Variants in HUWE1 observed in about 807,000 individuals in gnomAD.
HUWE1 encodes HECT, UBA and WWE domain containing E3 ubiquitin protein ligase 1, also known as E3 ubiquitin-protein ligase HUWE1.
Under a neutral mutation model 299.4 loss-of-function variants are expected in HUWE1, and 18 were observed. The ratio of observed to expected loss-of-function variants is 0.06; its 90% CI spans 0.04 to 0.09. The LOEUF (loss-of-function observed/expected upper bound fraction) is 0.09, where lower values mean the gene tolerates loss of function less well. Among genes scored for constraint, HUWE1 ranks in the 10% least tolerant of loss-of-function variants. The pLI is 1.00. For missense variants in HUWE1, 1,832 were observed against 3,462.3 expected, an observed-to-expected ratio of 0.53 and a Z score of 11.82; for synonymous variants, 1,317 against 1,286.1, an observed-to-expected ratio of 1.02 and a Z score of -0.51.
intron 77 of HUWE1, among the ~76,000 whole-genome samples, chrX:53,538,071 C>T (rs782090695): frequency 8.1e-5 from 9 of 111,668 alleles, no homozygotes; most frequent in African/African-American, 1.3e-4. Flanking sequence ...CTACCCCCAA[C>T]GGATGGAACA....
intron 43 of HUWE1, among the ~76,000 whole-genome samples, chrX:53,577,309 C>T (rs905333658): frequency 1.0e-4 from 11 of 110,227 alleles, no homozygotes; most frequent in African/African-American, 3.6e-4. Flanking sequence ...TTTTGAAATC[C>T]AGTTGTTAAT....
intron 40 of HUWE1, 53 bp from the exon 41 acceptor site, chrX:53,584,398 G>A: frequency 3.0e-6 from 3 of 1,013,424 alleles, no homozygotes; most frequent in Admixed American, 2.3e-5. Flanking sequence ...GAATTATAAA[G>A]GTGGGGGAGG....
chrX:53,625,320 C>T (rs1227767766), intron 17 of HUWE1, 62 bp from the exon 18 acceptor site: 5 of 743,874 alleles, frequency 6.7e-6, no homozygotes, highest in Non-Finnish European at 1.1e-5. Flanking sequence ...AATGATCAAG[C>T]ACATAAAACA....
At chrX:53,629,400 G>A (rs1557020778) in intron 13 of HUWE1, 116 bp downstream of exon 13, 1 of 530,427 alleles carries the variant, frequency 1.9e-6, no homozygotes, top group East Asian at 3.5e-5. Flanking sequence ...CCATGCCCAA[G>A]ATGTCTCATT....
At chrX:53,582,757 GTCT>G (rs2063682524) in intron 42 of HUWE1, among the ~76,000 whole-genome samples, 2 of 110,807 alleles carry the variant, frequency 1.8e-5, no homozygotes, top group African/African-American at 6.6e-5. Context: ...CTCCACTGTT[GTCT>G]TCTTTTTTTT....
intron 40 of HUWE1, 73 bp from the exon 41 acceptor site, chrX:53,584,418 T>TGTCC: frequency 1.2e-6 from 1 of 867,383 alleles, no homozygotes; most frequent in Non-Finnish European, 1.7e-6. Flanking sequence ...GGGAGGGACA[T>TGTCC]CTCCCAGGTA....
intron 17 of HUWE1, chrX:53,625,894 C>T (rs1338473147): frequency 3.0e-6 from 1 of 335,734 alleles, no homozygotes; most frequent in South Asian, 2.8e-5. Flanking sequence ...GGGCCGGTGC[C>T]GGGGCCGGGA....
intron 3 of HUWE1, among the ~76,000 whole-genome samples, chrX:53,659,521 T>C (rs1463538320): frequency 9.0e-6 from 1 of 110,985 alleles, no homozygotes; most frequent in Non-Finnish European, 1.9e-5. Context: ...AAAAGATCAG[T>C]GGTTGAGGAG....
In HUWE1 at chrX:53,532,717, C is replaced by G. The variant is rs1341229486; in HGVS notation, c.*592G>C. Reference sequence around the variant, plus strand: ...GTTTCCTGGAGAATCCATCTTTTCTCCAGATGCCTAGCATGTGCTTAAGAG... The same window carrying G: ...GTTTCCTGGAGAATCCATCTTTTCTGCAGATGCCTAGCATGTGCTTAAGAG... On this transcript the variant is annotated 3_prime_UTR_variant, in exon 84 of 84. Coordinates refer to ENST00000262854, the MANE Select transcript of HUWE1 (RefSeq NM_031407.7). 1 of 109,655 alleles carries G rather than the reference C, an allele frequency of 9.1e-6. No homozygotes were observed. The highest frequency in any genetic ancestry group is 9.8e-5 in the Admixed American group (1 of 10,232). 9.0% of individuals were successfully genotyped at this position (109,655 alleles called of 1,213,427 possible). A position where few individuals can be genotyped will look rare whatever the true frequency, so the allele number is the denominator to read the frequency against.
chrX:53,602,822 C>T (rs781918627), intron 27 of HUWE1, among the ~76,000 whole-genome samples, 164 bp from the exon 28 acceptor site: 2 of 109,327 alleles, frequency 1.8e-5, no homozygotes, highest in Admixed American at 9.7e-5. Context: ...CCTGAGGTAG[C>T]ACCCCACAAG....
chrX:53,685,359 C>T (rs781931398), intron 2 of HUWE1, among the ~76,000 whole-genome samples: 1 of 112,011 alleles, frequency 8.9e-6, no homozygotes, highest in South Asian at 3.6e-4. Context: ...CCTTCTTATT[C>T]AGAAGCATAG....
intron 3 of HUWE1, among the ~76,000 whole-genome samples, chrX:53,658,503 A>G (rs1256783140): frequency 8.9e-6 from 1 of 111,968 alleles, no homozygotes; most frequent in Non-Finnish European, 1.9e-5. Flanking sequence ...CTGTACCGGT[A>G]AAAGAATGAA....
At position 53,661,867 on chromosome X, in the gene HUWE1, G is replaced by C. The variant is rs2069022546; in HGVS notation, c.-24-7736C>G. ...CCCCTGAGGTTTGAATCTTGGTTTTGTACAGTTTACCTGCAGAACAAGTGT... is the reference window on the plus strand; with the variant it reads ...CCCCTGAGGTTTGAATCTTGGTTTTCTACAGTTTACCTGCAGAACAAGTGT... On this transcript the variant is annotated intron_variant, in intron 3 of 83. Coordinates refer to ENST00000262854, the MANE Select transcript of HUWE1 (RefSeq NM_031407.7). 2.7e-5 allele frequency among the ~76,000 whole-genome samples: 3 copies of C among 110,878 alleles called. No homozygotes were observed. The Admixed American group carries it at 2.9e-4, about 11-fold the overall frequency.
chrX:53,555,275 A>T (rs2061948117), intron 60 of HUWE1, among the ~76,000 whole-genome samples: 1 of 111,859 alleles, frequency 8.9e-6, no homozygotes, highest in South Asian at 3.7e-4. Flanking sequence ...AATCCTATTG[A>T]TCCTCCCACT....
intron 4 of HUWE1, among the ~76,000 whole-genome samples, chrX:53,648,692 T>A (rs1194017748): frequency 9.3e-6 from 1 of 106,980 alleles, no homozygotes; most frequent in Non-Finnish European, 1.9e-5. Flanking sequence ...TATACCATGG[T>A]CTGAAAGTTA....
At chrX:53,632,329 A>G (rs782793125) in intron 9 of HUWE1, among the ~76,000 whole-genome samples, 158 bp downstream of exon 9, 35 of 111,864 alleles carry the variant, frequency 3.1e-4, no homozygotes, top group African/African-American at 1.1e-3. Flanking sequence ...TGGGGATGCA[A>G]TTAACACTCC....
rs2064990255 is a variant in HUWE1 at position 53,603,475 on chromosome X, G to A, written c.2769C>T (p.Asn923=). The A allele has an allele frequency of 3.3e-6, 4 of 1,209,429 alleles. No individual in the cohort carries two copies. The highest frequency in any genetic ancestry group is 4.5e-6 in the Non-Finnish European group (4 of 893,744). Residue 923 remains asparagine (N), a synonymous_variant, in exon 27 of 84, where the codon AAC becomes AAT. Transcript: ENST00000262854. ...TCAGACCCAATTGAGAGCCCCACTG[G>A]TTTACGGAGATGGAACGAATTTCAC... ...GQSEIRSISV[N]QWGSQLGLSV... is the part of the protein sequence containing the mutation.
intron 72 of HUWE1, 121 bp downstream of exon 72, chrX:53,544,439 A>C (rs1343394363): frequency 5.4e-6 from 3 of 556,734 alleles, no homozygotes; most frequent in Non-Finnish European, 6.1e-6. Context: ...AAAAAGGATA[A>C]TCATTTTCCT....
intron 53 of HUWE1, among the ~76,000 whole-genome samples, chrX:53,562,610 G>C (rs2062347790): frequency 8.9e-6 from 1 of 112,015 alleles, no homozygotes; most frequent in African/African-American, 3.2e-5. Flanking sequence ...TGGGTGAGAA[G>C]AAAGCGAACC....
Sources: gnomAD v4.1 joint callset for allele counts (sites outside exome capture counted in the v4.1 genomes callset) on GRCh38, gnomAD v4.1.1 for gene constraint, MANE v1.5 for transcripts, NCBI Gene and HGNC (gene_info 2026-07-23, HGNC 2026-07-21) for gene names.